Variants in PDZRN4 observed in about 807,000 individuals in gnomAD.
PDZRN4 encodes PDZ domain containing ring finger 4.
Under a neutral mutation model 99.0 loss-of-function variants are expected in PDZRN4, and 70 were observed. That is an observed-to-expected ratio of 0.71 (90% confidence interval 0.58 to 0.86). The LOEUF is 0.86. PDZRN4 is among the 40% of genes least tolerant of loss of function. The pLI, the probability that PDZRN4 is intolerant of heterozygous loss-of-function variation, is 0.00. For missense variants in PDZRN4, 1,474 were observed against 1,331.2 expected, an observed-to-expected ratio of 1.11 and a Z score of -1.67; for synonymous variants, 551 against 501.6, an observed-to-expected ratio of 1.10 and a Z score of -1.32.
At chr12:41,213,401 C>A (rs962993132) in intron 3 of PDZRN4, among the ~76,000 whole-genome samples, 2 of 152,054 alleles carry the variant, frequency 1.3e-5, no homozygotes, top group East Asian at 3.9e-4. Context: ...AAGTCGTAAG[C>A]AACAGGCATC....
intron 3 of PDZRN4, among the ~76,000 whole-genome samples, chr12:41,411,368 T>C (rs1952398306): frequency 6.6e-6 from 1 of 152,286 alleles, no homozygotes; most frequent in Middle Eastern, 3.4e-3. Flanking sequence ...AGGAGAAAGA[T>C]GGCAGTCCCA....
intron 4 of PDZRN4, among the ~76,000 whole-genome samples, chr12:41,508,478 G>A (rs975107501): frequency 3.3e-5 from 5 of 152,148 alleles, no homozygotes; most frequent in African/African-American, 4.8e-5. Context: ...TCCAGCACTT[G>A]GCCTTGCATC....
chr12:41,494,419 A>T (rs1937952895), intron 3 of PDZRN4, among the ~76,000 whole-genome samples: 1 of 152,140 alleles, frequency 6.6e-6, no homozygotes, highest in South Asian at 2.1e-4. Context: ...ACCAAGCAGC[A>T]TGTGTGACAC....
intron 3 of PDZRN4, among the ~76,000 whole-genome samples, chr12:41,259,250 A>G (rs998729354): frequency 6.6e-5 from 10 of 152,148 alleles, no homozygotes; most frequent in African/African-American, 1.9e-4. Flanking sequence ...AGGAGAAAAG[A>G]CAGAGTGGAA....
At chr12:41,210,841 C>T (rs1950883322) in intron 3 of PDZRN4, among the ~76,000 whole-genome samples, 1 of 148,278 alleles carries the variant, frequency 6.7e-6, no homozygotes. Flanking sequence ...GACACCATAT[C>T]TAAGATTTCA....
chr12:41,319,102 C>G (rs1239287502), intron 3 of PDZRN4, among the ~76,000 whole-genome samples: 1 of 152,156 alleles, frequency 6.6e-6, no homozygotes, highest in Admixed American at 6.5e-5. Context: ...TCAGACCTCA[C>G]TAGTACAAAT....
rs916210469 is a variant in PDZRN4, at chr12:41,573,371, G to T, written c.2592G>T (p.Glu864Asp). ...TAATTCAACAGAAATCTGCAGTCGA[G>T]TATGCTCAGAGTCAGCTCAGCTTGG... ...MQLIQQKSAVEYAQSQLSLVS... is the reference protein window; with the variant it reads ...MQLIQQKSAVDYAQSQLSLVS... Residue 864 changes from glutamate (E) to aspartate (D), a missense_variant, in exon 10 of 10, where the codon GAG becomes GAT. Physicochemically the swap from Glu to Asp is conservative, Grantham distance 45. Transcript: ENST00000402685. 2 of 1,613,276 alleles carry T rather than the reference G, an allele frequency of 1.2e-6. No individual in the cohort carries two copies. Among genetic ancestry groups the T allele is most frequent in the East Asian group, 4.5e-5 (2 of 44,878 alleles).
At chr12:41,204,760 G>T (rs1950837319) in intron 3 of PDZRN4, among the ~76,000 whole-genome samples, 1 of 151,994 alleles carries the variant, frequency 6.6e-6, no homozygotes, top group Non-Finnish European at 1.5e-5. Flanking sequence ...AATTCAGGAT[G>T]AGATTTTGGG....
chr12:41,337,628 C>T (rs1429479689), intron 3 of PDZRN4, among the ~76,000 whole-genome samples: 1 of 152,118 alleles, frequency 6.6e-6, no homozygotes, highest in Non-Finnish European at 1.5e-5. Context: ...GTTTGTTATA[C>T]AATAATTATC....
chr12:41,281,612 A>C (rs1023245898), intron 3 of PDZRN4, among the ~76,000 whole-genome samples: 3 of 152,208 alleles, frequency 2.0e-5, no homozygotes, highest in African/African-American at 7.2e-5. Context: ...GGAAGAAAGG[A>C]TATCAGAGGT....
intron 3 of PDZRN4, among the ~76,000 whole-genome samples, chr12:41,374,840 CT>C (rs1266350384): frequency 6.6e-6 from 1 of 152,146 alleles, no homozygotes; most frequent in Non-Finnish European, 1.5e-5. Flanking sequence ...AAATTTAGTT[CT>C]TTTTCCCCTA....
chr12:41,324,925 C>T (rs1951700915), intron 3 of PDZRN4, among the ~76,000 whole-genome samples: 1 of 152,070 alleles, frequency 6.6e-6, no homozygotes, highest in South Asian at 2.1e-4. Context: ...AAGGTAGACA[C>T]TAGGACATTT....
chr12:41,396,098 C>A (rs541654555), intron 3 of PDZRN4, among the ~76,000 whole-genome samples: 22 of 152,068 alleles, frequency 1.4e-4, no homozygotes, highest in Non-Finnish European at 1.5e-5. Context: ...ACCCAGAAAG[C>A]GACTTTGATG....
intron 5 of PDZRN4, among the ~76,000 whole-genome samples, chr12:41,523,870 T>A (rs1938529268): frequency 6.6e-6 from 1 of 152,156 alleles, no homozygotes; most frequent in Non-Finnish European, 1.5e-5. Flanking sequence ...TTGACTCATG[T>A]ACTCATTTTT....
At chr12:41,198,574 T>A (rs1239575170) in intron 3 of PDZRN4, among the ~76,000 whole-genome samples, 3 of 140,486 alleles carry the variant, frequency 2.1e-5, no homozygotes, top group Admixed American at 7.4e-5. Flanking sequence ...TTAGAAATAG[T>A]TCCCACATTG....
Position 41,573,483 on chromosome 12 carries a change from A to G in PDZRN4, c.2704A>G (p.Thr902Ala). 1 of 1,614,034 alleles carries G rather than the reference A, an allele frequency of 6.2e-7. No individual in the cohort carries two copies. Residue 902 changes from threonine (T) to alanine (A), a missense_variant, in exon 10 of 10, where the codon ACA (threonine) becomes GCA (alanine). Physicochemically the swap from Thr to Ala is moderately conservative, Grantham distance 58 (BLOSUM62 0). Transcript: ENST00000402685. ...TAGGAGCGACGGGACACGGTACATCACAAAGAGACCCGTGCGAGACCGAAT... is the reference window on the plus strand; with the variant it reads ...TAGGAGCGACGGGACACGGTACATCGCAAAGAGACCCGTGCGAGACCGAAT... ...KIRSDGTRYI[T>A]KRPVRDRILK...
intron 5 of PDZRN4, among the ~76,000 whole-genome samples, chr12:41,544,400 T>G (rs1476933238): frequency 6.6e-6 from 1 of 152,214 alleles, no homozygotes; most frequent in African/African-American, 2.4e-5. Context: ...AATTACACTC[T>G]ACACCCAACT....
intron 3 of PDZRN4, among the ~76,000 whole-genome samples, chr12:41,246,551 A>AT (rs1268609723): frequency 1.3e-5 from 2 of 152,072 alleles, no homozygotes; most frequent in African/African-American, 2.4e-5. Flanking sequence ...ACTACATCTA[A>AT]TTTTTTTCAG....
chr12:41,486,297 A>C (rs2120614550), intron 3 of PDZRN4, among the ~76,000 whole-genome samples: 1 of 152,314 alleles, frequency 6.6e-6, no homozygotes, highest in Middle Eastern at 3.4e-3. Context: ...GGATACAAAA[A>C]CACAGGAAAC....
Sources: allele counts gnomAD v4.1 joint callset (sites outside exome capture counted in the v4.1 genomes callset), GRCh38; gene constraint gnomAD v4.1.1; transcripts MANE v1.5; gene names NCBI Gene and HGNC (gene_info 2026-07-23, HGNC 2026-07-21).